The following UNC5A variants were observed in gnomAD, a reference collection of about 807,000 sequenced individuals.
The protein encoded by UNC5A is netrin receptor UNC5A.
Under a neutral mutation model 87.4 loss-of-function variants are expected in UNC5A, and 20 were observed. The observed-to-expected ratio is 0.23, with a 90% confidence interval of 0.16 to 0.33. The LOEUF is 0.33. UNC5A is among the 10% of genes least tolerant of loss of function. The pLI is 1.00. For missense variants in UNC5A, 844 were observed against 1,133.4 expected (o/e 0.74, Z 3.67); for synonymous variants, 438 against 482.3 (o/e 0.91, Z 1.20).
rs1561659010 is a variant in UNC5A, at chr5:176,858,772, A to AGGCAGGC, written c.71-3852_71-3851insGGCAGGC. 3.2e-3 allele frequency among the ~76,000 whole-genome samples: 446 copies of AGGCAGGC among 140,146 alleles called. 5 individuals carry two copies. The highest frequency in any genetic ancestry group is 0.012 in the African/African-American group (413 of 34,522). The allele number at this position is 140,146 out of a possible 152,430, so 91.9% of individuals were successfully genotyped here. ...GAAGGAAGGAAGGAAGGAAGGAAGG[A>AGGCAGGC]AGGCAAGCAAGCAGGCAGGGAGGGA... On this transcript the variant is annotated intron_variant, in intron 1 of 14. Transcript: ENST00000329542.
In UNC5A at chr5:176,826,864, C is replaced by A. The variant is rs553430937; in HGVS notation, c.70+16044C>A. Among the ~76,000 whole-genome samples the A allele has an allele frequency of 2.3e-4, 35 of 152,214 alleles. 1 individual carries two copies. In the South Asian group the frequency reaches 7.3e-3, roughly 32 times the overall value. Reference sequence around the variant, plus strand: ...CTGTGTTTGCCAGGATGGTCTCTATCTCCTGACCTCGTGATCTGCCCGTCT... The same window carrying A: ...CTGTGTTTGCCAGGATGGTCTCTATATCCTGACCTCGTGATCTGCCCGTCT... On this transcript the variant is annotated intron_variant, in intron 1 of 14. Transcript: ENST00000329542.
chr5:176,847,035 G>C (rs1444077376), intron 1 of UNC5A, among the ~76,000 whole-genome samples: 1 of 152,122 alleles, frequency 6.6e-6, no homozygotes, highest in Non-Finnish European at 1.5e-5. Context: ...GAGCAGCACA[G>C]CCCCTTGCCG....
rs1161786415 is a variant in UNC5A, at chr5:176,869,163, T to C, written c.721+199T>C. The stretch of plus-strand genomic sequence containing the variant: ...TGTCTGGGCAAAGGAGTGGGACAGA[T>C]TGGAGGTCCTTTGTGGGCAGCGGGC... On this transcript the variant is annotated intron_variant, in intron 5 of 14. Coordinates refer to ENST00000329542, the MANE Select transcript of UNC5A (RefSeq NM_133369.3). This position sits in a 1 kb window ranked among gnomAD's most constrained non-coding sequence, Gnocchi z 9.1. 2.0e-5 allele frequency among the ~76,000 whole-genome samples: 3 copies of C among 152,010 alleles called. No homozygotes were observed. Among genetic ancestry groups the C allele is most frequent in the Non-Finnish European group, 4.4e-5 (3 of 67,962 alleles).
At chr5:176,856,465 C>T (rs7736119) in intron 1 of UNC5A, among the ~76,000 whole-genome samples, 8,068 of 152,166 alleles carry the variant, frequency 0.053, 715 homozygotes, top group African/African-American at 0.18. Flanking sequence ...CATTCAGTCA[C>T]GCAACAAACA....
Position 176,880,074 on chromosome 5 carries a change from A to G in UNC5A, c.*188A>G. On this transcript the variant is annotated 3_prime_UTR_variant, in exon 15 of 15. Coordinates refer to ENST00000329542, the MANE Select transcript of UNC5A (RefSeq NM_133369.3). ...ACTCCCACCTCTCCATGGCCTGCCT[A>G]GCCAGGCTGGCACTGCCACTCACAC... The G allele has an allele frequency of 1.3e-6, 1 of 766,724 alleles. No homozygotes were observed. Among genetic ancestry groups the G allele is most frequent in the Non-Finnish European group, 2.0e-6 (1 of 497,856 alleles). The allele number at this position is 766,724 out of a possible 1,614,324, so 47.5% of individuals were successfully genotyped here.
At chr5:176,817,304 A>AAT (rs1007061535) in intron 1 of UNC5A, among the ~76,000 whole-genome samples, 6 of 151,722 alleles carry the variant, frequency 4.0e-5, no homozygotes, top group Non-Finnish European at 8.8e-5. Context: ...AGGCCGGGGG[A>AAT]ATCTGTCTAG....
chr5:176,846,083 G>A (rs571158227), intron 1 of UNC5A, among the ~76,000 whole-genome samples: 3 of 152,256 alleles, frequency 2.0e-5, no homozygotes, highest in African/African-American at 7.2e-5. Context: ...CTGGTCATCT[G>A]GGGTAGCCAC....
intron 9 of UNC5A, 56 bp from the exon 10 acceptor site, chr5:176,877,479 G>A: frequency 1.3e-6 from 2 of 1,538,712 alleles, no homozygotes; most frequent in East Asian, 2.3e-5. Flanking sequence ...TAGCCCTCAG[G>A]ACCCAGGATG....
At position 176,810,583 on chromosome 5, in the gene UNC5A, G is replaced by A. The variant is rs1406198577; in HGVS notation, c.-168G>A. 1 of 149,132 alleles carries A rather than the reference G, an allele frequency of 6.7e-6. No individual in the cohort carries two copies. The highest frequency in any genetic ancestry group is 1.5e-5 in the Non-Finnish European group (1 of 67,966). The allele number at this position is 149,132 out of a possible 1,614,324, so 9.2% of individuals were successfully genotyped here. ...TGCATTGCTGCGCTCCCGTGCCCAA[G>A]GGAGCCACGCGCCGCGTGCGCCCGG... On this transcript the variant is annotated 5_prime_UTR_variant, in exon 1 of 15. Coordinates refer to ENST00000329542, the MANE Select transcript of UNC5A (RefSeq NM_133369.3). The surrounding 1 kb of genome is among the most constrained non-coding windows in gnomAD (Gnocchi z 7.3).
chr5:176,819,868 C>T (rs1418504416), intron 1 of UNC5A, among the ~76,000 whole-genome samples: 1 of 152,214 alleles, frequency 6.6e-6, no homozygotes, highest in Non-Finnish European at 1.5e-5. Flanking sequence ...CACATTTTGC[C>T]AGGTATTAAA....
intron 1 of UNC5A, among the ~76,000 whole-genome samples, chr5:176,831,919 CAG>C (rs1401745016): frequency 8.7e-4 from 97 of 112,018 alleles, no homozygotes; most frequent in African/African-American, 4.0e-3. Context: ...TTTTTTGAGA[CAG>C]AGTCTCACTC....
intron 1 of UNC5A, among the ~76,000 whole-genome samples, chr5:176,827,095 C>G (rs1275876864): frequency 6.6e-6 from 1 of 151,212 alleles, no homozygotes; most frequent in Non-Finnish European, 1.5e-5. Flanking sequence ...TTGTGGTCCT[C>G]TGTGCCTGGC....
Position 176,865,390 on chromosome 5 carries a change from C to T in UNC5A, c.292+2545C>T. ...CTTGCCTGAATGAGCAGTCGCAGGC[C>T]CGGGCCGGCACACACACCGGGAGCC... is the stretch of plus-strand genomic sequence containing the variant. On this transcript the variant is annotated intron_variant, in intron 2 of 14. Transcript: ENST00000329542. This position sits in a 1 kb window ranked among gnomAD's most constrained non-coding sequence, Gnocchi z 5.3. The T allele has an allele frequency of 2.8e-6, 1 of 352,336 alleles. No individual in the cohort carries two copies. Among genetic ancestry groups the T allele is most frequent in the South Asian group, 2.1e-5 (1 of 47,350 alleles). The allele number at this position is 352,336 out of a possible 1,614,324, so 21.8% of individuals were successfully genotyped here.
chr5:176,853,802 T>A (rs1421352233), intron 1 of UNC5A, among the ~76,000 whole-genome samples: 1 of 152,098 alleles, frequency 6.6e-6, no homozygotes, highest in Non-Finnish European at 1.5e-5. Context: ...GTCCCTGCCG[T>A]CCAGGGAGTC....
chr5:176,846,748 G>A (rs1488066512), intron 1 of UNC5A, among the ~76,000 whole-genome samples: 1 of 152,192 alleles, frequency 6.6e-6, no homozygotes, highest in Non-Finnish European at 1.5e-5. Flanking sequence ...CCCAGGACCT[G>A]GTCCACAGCC....
At chr5:176,867,556 C>T (rs549584515) in intron 2 of UNC5A, among the ~76,000 whole-genome samples, 10 of 152,336 alleles carry the variant, frequency 6.6e-5, no homozygotes, top group Admixed American at 2.0e-4. Context: ...TGGATTAAGA[C>T]GACATCCCCA....
intron 1 of UNC5A, among the ~76,000 whole-genome samples, chr5:176,852,982 A>G (rs982960446): frequency 3.3e-5 from 5 of 152,216 alleles, no homozygotes; most frequent in African/African-American, 1.2e-4. Context: ...GAGGAGGAAA[A>G]CAGACTGGGA....
At chr5:176,830,444 TG>T (rs1561643863) in intron 1 of UNC5A, among the ~76,000 whole-genome samples, 122 of 149,028 alleles carry the variant, frequency 8.2e-4, no homozygotes, top group African/African-American at 3.0e-3. Flanking sequence ...CTGGCATGTG[TG>T]TGTGTGTGTT....
intron 5 of UNC5A, among the ~76,000 whole-genome samples, chr5:176,870,077 G>A (rs1412324339): frequency 6.6e-6 from 1 of 152,184 alleles, no homozygotes; most frequent in African/African-American, 2.4e-5. Flanking sequence ...GTTCAGAAGG[G>A]TCAACGTGTG....
Sources: gnomAD v4.1 joint callset for allele counts (sites outside exome capture counted in the v4.1 genomes callset) on GRCh38, gnomAD v4.1.1 for gene constraint, Gnocchi (gnomAD v3.1) non-coding constraint, MANE v1.5 for transcripts, NCBI Gene and HGNC (gene_info 2026-07-23, HGNC 2026-07-21) for gene names.